Variants in RHOBTB1 observed in about 807,000 individuals in gnomAD.
RHOBTB1 encodes rho-related BTB domain-containing protein 1.
RHOBTB1 carries 40 observed loss-of-function variants against 71.6 expected under a neutral mutation model. The ratio of observed to expected loss-of-function variants is 0.56; its 90% CI spans 0.43 to 0.73. The LOEUF (loss-of-function observed/expected upper bound fraction) is 0.73, where lower values mean the gene tolerates loss of function less well. RHOBTB1 is among the 30% of genes least tolerant of loss of function. The probability of loss-of-function intolerance (pLI) is 0.00; values close to 1 mark genes in which losing one functional copy is unlikely to be tolerated. For missense variants in RHOBTB1, 797 were observed against 894.0 expected (o/e 0.89, Z 1.38); for synonymous variants, 319 against 334.9 (o/e 0.95, Z 0.52).
chr10:60,995,366 G>A (rs1450265458), intron 1 of RHOBTB1, among the ~76,000 whole-genome samples: 3 of 152,120 alleles, frequency 2.0e-5, no homozygotes, highest in Non-Finnish European at 4.4e-5. Flanking sequence ...GGAACCATCA[G>A]AGATTGGAAC....
At chr10:60,877,519 T>C (rs1010712965) in intron 8 of RHOBTB1, among the ~76,000 whole-genome samples, 3 of 152,238 alleles carry the variant, frequency 2.0e-5, no homozygotes, top group Admixed American at 6.5e-5. Context: ...TCTGTTTTCC[T>C]AAACAGTGCA....
chr10:60,891,490 A>C (rs1166525776), intron 5 of RHOBTB1, among the ~76,000 whole-genome samples: 1 of 151,380 alleles, frequency 6.6e-6, no homozygotes, highest in African/African-American at 2.4e-5. Flanking sequence ...ACAGGTGTGC[A>C]CCACCAGTCC....
intron 4 of RHOBTB1, among the ~76,000 whole-genome samples, chr10:60,901,955 G>A (rs554259790): frequency 3.3e-5 from 5 of 152,330 alleles, no homozygotes; most frequent in Admixed American, 3.3e-4. Flanking sequence ...TGCTTGGGCA[G>A]CAGCCAAAAT....
At position 60,941,811 on chromosome 10, in the gene RHOBTB1, G is replaced by T. The variant is rs1268914412; in HGVS notation, c.-18C>A. 1 of 152,528 alleles carries T rather than the reference G, an allele frequency of 6.6e-6. No individual in the cohort carries two copies. Among genetic ancestry groups the T allele is most frequent in the Non-Finnish European group, 1.5e-5 (1 of 68,024 alleles). The allele number at this position is 152,528 out of a possible 1,614,324, so 9.4% of individuals were successfully genotyped here. ...TTGCACAAAGACACTGACCTGGCTTGCTGGAAGTGAAGAACAGAACACTCT... is the reference window on the plus strand; with the variant it reads ...TTGCACAAAGACACTGACCTGGCTTTCTGGAAGTGAAGAACAGAACACTCT... On this transcript the variant is annotated 5_prime_UTR_variant, in exon 2 of 11. Transcript: ENST00000337910.
intron 2 of RHOBTB1, among the ~76,000 whole-genome samples, chr10:60,964,866 C>A (rs985307496): frequency 1.3e-5 from 2 of 152,234 alleles, no homozygotes; most frequent in East Asian, 1.9e-4. Flanking sequence ...CTTCAACCTT[C>A]TTTATAAAAA....
chr10:60,943,318 T>C (rs1245128545), intron 1 of RHOBTB1, among the ~76,000 whole-genome samples: 1 of 152,220 alleles, frequency 6.6e-6, no homozygotes, highest in African/African-American at 2.4e-5. Context: ...CATAGTTGCC[T>C]TCCACTTCTT....
chr10:60,912,520 A>T (rs2083046321), intron 2 of RHOBTB1, among the ~76,000 whole-genome samples: 1 of 152,206 alleles, frequency 6.6e-6, no homozygotes, highest in African/African-American at 2.4e-5. Flanking sequence ...GGCATGAGCC[A>T]CCATGCCTAG....
chr10:60,977,343 T>C (rs927648370), intron 2 of RHOBTB1, among the ~76,000 whole-genome samples: 1 of 152,076 alleles, frequency 6.6e-6, no homozygotes, highest in Non-Finnish European at 1.5e-5. Context: ...TGTTGCCCTA[T>C]TTATGAAACC....
At chr10:60,987,845 C>T (rs189600451) in intron 1 of RHOBTB1, among the ~76,000 whole-genome samples, 3 of 151,778 alleles carry the variant, frequency 2.0e-5, no homozygotes, top group African/African-American at 4.8e-5. Context: ...CTCTCCACCC[C>T]CTAACCCCTG....
intron 1 of RHOBTB1, among the ~76,000 whole-genome samples, chr10:60,999,964 C>A (rs1487049034): frequency 6.6e-6 from 1 of 152,122 alleles, no homozygotes; most frequent in African/African-American, 2.4e-5. Context: ...GAACTGAACT[C>A]GTTATTTTGC....
chr10:60,897,851 C>T (rs776807591), intron 4 of RHOBTB1, among the ~76,000 whole-genome samples: 6 of 152,024 alleles, frequency 3.9e-5, no homozygotes, highest in Non-Finnish European at 7.4e-5. Flanking sequence ...GGATTACAGG[C>T]GCATGACCAT....
intron 2 of RHOBTB1, among the ~76,000 whole-genome samples, chr10:60,969,296 T>C (rs1051171295): frequency 2.2e-4 from 34 of 152,232 alleles, no homozygotes; most frequent in African/African-American, 8.2e-4. Context: ...GAATTTCAGG[T>C]GTCACTCTGA....
chr10:60,891,938 A>C (rs1232755109), intron 5 of RHOBTB1, among the ~76,000 whole-genome samples: 1 of 152,100 alleles, frequency 6.6e-6, no homozygotes, highest in Non-Finnish European at 1.5e-5. Context: ...GGAAGTTCTC[A>C]TGAGATCTGG....
intron 8 of RHOBTB1, 115 bp downstream of exon 8, chr10:60,877,793 A>G (rs2081114046): frequency 2.1e-6 from 2 of 954,660 alleles, no homozygotes; most frequent in Non-Finnish European, 3.1e-6. Context: ...TACACAAGAC[A>G]GTCCTATTTT....
chr10:60,880,762 A>T (rs983947054), intron 7 of RHOBTB1, among the ~76,000 whole-genome samples: 3 of 152,216 alleles, frequency 2.0e-5, no homozygotes, highest in African/African-American at 7.2e-5. Context: ...CTGTATGTAC[A>T]TATGAATAAT....
At chr10:60,882,050 A>C (rs535685377) in intron 7 of RHOBTB1, among the ~76,000 whole-genome samples, 246 of 152,324 alleles carry the variant, frequency 1.6e-3, no homozygotes, top group Non-Finnish European at 2.6e-3. Flanking sequence ...TTTTTAAAAA[A>C]GCCCGTTTCT....
At chr10:60,899,568 C>A (rs1293578651) in intron 4 of RHOBTB1, among the ~76,000 whole-genome samples, 2 of 152,200 alleles carry the variant, frequency 1.3e-5, no homozygotes, top group Non-Finnish European at 2.9e-5. Flanking sequence ...CTCTACCCAG[C>A]CTCCTTGGCA....
intron 2 of RHOBTB1, among the ~76,000 whole-genome samples, chr10:60,964,218 G>A (rs927978221): frequency 6.6e-6 from 1 of 152,060 alleles, no homozygotes; most frequent in Non-Finnish European, 1.5e-5. Context: ...GAATAAACAT[G>A]TTACTGCCAA....
At chr10:60,931,753 A>T (rs1315302098) in intron 2 of RHOBTB1, among the ~76,000 whole-genome samples, 3 of 152,124 alleles carry the variant, frequency 2.0e-5, no homozygotes, top group African/African-American at 7.2e-5. Flanking sequence ...TCTTTCTCTG[A>T]CTCAAGCTCT....
Sources: gnomAD v4.1 joint callset for allele counts (sites outside exome capture counted in the v4.1 genomes callset) on GRCh38, gnomAD v4.1.1 for gene constraint, MANE v1.5 for transcripts, NCBI Gene and HGNC (gene_info 2026-07-23, HGNC 2026-07-21) for gene names.